Variants in ADPRM observed in about 807,000 individuals in gnomAD.
ADPRM encodes manganese-dependent ADP-ribose/CDP-alcohol diphosphatase.
ADPRM carries 17 observed loss-of-function variants against 27.2 expected under a neutral mutation model. The observed-to-expected ratio is 0.63, with a 90% CI of 0.43 to 0.94. The LOEUF (loss-of-function observed/expected upper bound fraction) is 0.94. Among genes scored for constraint, ADPRM ranks in the 40% least tolerant of loss-of-function variants. The probability of loss-of-function intolerance (pLI) is 0.00; values close to 1 mark genes in which losing one functional copy is unlikely to be tolerated. For synonymous variants in ADPRM, 135 were observed against 145.3 expected, an observed-to-expected ratio of 0.93 and a Z score of 0.51; for missense variants, 337 against 412.8, an observed-to-expected ratio of 0.82 and a Z score of 1.59.
At position 10,710,919 on chromosome 17, in the gene ADPRM, T is replaced by C; in HGVS notation, c.804T>C (p.His268=). The C allele has an allele frequency of 6.2e-7, 1 of 1,614,204 alleles. No homozygotes were observed. The highest frequency in any genetic ancestry group is 8.5e-7 in the Non-Finnish European group (1 of 1,180,022). Reference sequence around the variant, plus strand: ...ATGCCCTGGCAGTCATTTGGTCTCATGAGTGTGTGGTGTGTTTCTTTGCTG... The same window carrying C: ...ATGCCCTGGCAGTCATTTGGTCTCACGAGTGTGTGGTGTGTTTCTTTGCTG... The part of the protein sequence containing the change: ...YRDALAVIWS[H]ECVVCFFAGH... Residue 268 remains histidine, a synonymous_variant, in exon 4 of 4, where the codon CAT becomes CAC. Coordinates refer to ENST00000379774, the MANE Select transcript of ADPRM (RefSeq NM_020233.5).
rs1399672824 is a variant in ADPRM at position 10,702,264 on chromosome 17, G to A, written c.-17-2646G>A. Among the ~76,000 whole-genome samples, 1 of 152,190 alleles carries A rather than the reference G, an allele frequency of 6.6e-6. No homozygotes were observed. Among genetic ancestry groups the A allele is most frequent in the Non-Finnish European group, 1.5e-5 (1 of 68,036 alleles). ...CCAGAACACATCGCTGTTTTGAAGT[G>A]TGTGCCCCTTGGTGCTTCTCTCCAC... On this transcript the variant is annotated intron_variant, in intron 1 of 3. Transcript: ENST00000379774. This position sits in a 1 kb window ranked among gnomAD's most constrained non-coding sequence, Gnocchi z 4.2.
At chr17:10,706,682 T>G (rs986254985) in intron 3 of ADPRM, 128 bp downstream of exon 3, 5 of 571,630 alleles carry the variant, frequency 8.7e-6, no homozygotes, top group African/African-American at 8.0e-5. Context: ...GTTTAAAAAT[T>G]TCTATTGAGA....
chr17:10,699,454 A>G (rs1015638634), intron 1 of ADPRM, among the ~76,000 whole-genome samples: 1 of 151,162 alleles, frequency 6.6e-6, no homozygotes, highest in South Asian at 2.1e-4. Flanking sequence ...CTGCTGTGAA[A>G]CCACCAAAGT....
At position 10,706,526 on chromosome 17, in the gene ADPRM, C is replaced by T; in HGVS notation, c.690C>T (p.Asp230=). Residue 230 remains aspartate (D), a synonymous_variant, in exon 3 of 4, where the codon GAC becomes GAT. Coordinates refer to ENST00000379774, the MANE Select transcript of ADPRM (RefSeq NM_020233.5). ...TGAATGAAGTGCTAACATTCTCTGA[C>T]ACAAACCAAGAAAAGGTGGTGATTG... ...NWLNEVLTFS[D]TNQEKVVIVS... is the part of the protein sequence containing the mutation. 6.3e-7 allele frequency: 1 copy of T among 1,584,900 alleles called. No homozygotes were observed. Among genetic ancestry groups the T allele is most frequent in the Non-Finnish European group, 8.6e-7 (1 of 1,169,170 alleles).
chr17:10,710,258 C>T (rs940028257), intron 3 of ADPRM, among the ~76,000 whole-genome samples: 2 of 152,274 alleles, frequency 1.3e-5, no homozygotes, highest in Admixed American at 6.5e-5. Flanking sequence ...CATACCACCA[C>T]GCCTGGCTAA....
chr17:10,704,092 C>T (rs2074796791), intron 1 of ADPRM, among the ~76,000 whole-genome samples: 2 of 151,916 alleles, frequency 1.3e-5, no homozygotes, highest in Non-Finnish European at 2.9e-5. Context: ...ACCTGTAATC[C>T]CAGCTACTTG....
intron 1 of ADPRM, among the ~76,000 whole-genome samples, chr17:10,703,105 G>A (rs758840073): frequency 1.3e-5 from 2 of 152,078 alleles, no homozygotes; most frequent in Admixed American, 1.3e-4. Flanking sequence ...TACAACCTTG[G>A]TGATAATATT....
At chr17:10,706,204 C>T (rs1321504824) in intron 2 of ADPRM, among the ~76,000 whole-genome samples, 1 of 152,062 alleles carries the variant, frequency 6.6e-6, no homozygotes, top group African/African-American at 2.4e-5. Context: ...AAGAAGTTTG[C>T]ATTTTTAATA....
At chr17:10,707,870 C>G (rs1032463424) in intron 3 of ADPRM, among the ~76,000 whole-genome samples, 2 of 152,136 alleles carry the variant, frequency 1.3e-5, no homozygotes, top group African/African-American at 2.4e-5. Context: ...AACATACAAG[C>G]GTGTATGTGC....
At chr17:10,709,442 AG>A (rs1437337648) in intron 3 of ADPRM, among the ~76,000 whole-genome samples, 2 of 152,232 alleles carry the variant, frequency 1.3e-5, no homozygotes, top group Non-Finnish European at 2.9e-5. Flanking sequence ...CCGAGGACCA[AG>A]CATTCAGGCA....
At chr17:10,710,187 C>T (rs1401158920) in intron 3 of ADPRM, among the ~76,000 whole-genome samples, 2 of 152,312 alleles carry the variant, frequency 1.3e-5, no homozygotes, top group East Asian at 3.9e-4. Flanking sequence ...CTGCAACCTC[C>T]ACCTCCCGGG....
chr17:10,709,764 C>T (rs981357987), intron 3 of ADPRM, among the ~76,000 whole-genome samples: 3 of 151,102 alleles, frequency 2.0e-5, no homozygotes, highest in Admixed American at 2.0e-4. Flanking sequence ...TAAATAGAAG[C>T]ATGTTTAAAT....
At chr17:10,708,987 A>G (rs1342249144) in intron 3 of ADPRM, among the ~76,000 whole-genome samples, 1 of 152,232 alleles carries the variant, frequency 6.6e-6, no homozygotes, top group Non-Finnish European at 1.5e-5. Flanking sequence ...CTACCATTTG[A>G]TGTAAGCCTA....
rs775028365 is a variant in ADPRM at position 10,702,136 on chromosome 17, C to T, written c.-17-2774C>T. Among the ~76,000 whole-genome samples, 17 of 152,144 alleles carry T rather than the reference C, an allele frequency of 1.1e-4. No homozygotes were observed. The highest frequency in any genetic ancestry group is 3.3e-4 in the Admixed American group (5 of 15,272). On this transcript the variant is annotated intron_variant, in intron 1 of 3. Transcript: ENST00000379774. The surrounding 1 kb of genome is among the most constrained non-coding windows in gnomAD (Gnocchi z 4.2). Reference sequence around the variant, plus strand: ...GTATATTCCAAAATCTGAAAAAGTCCGAAATCTAAAACACTTCTGGTCCCA... The same window carrying T: ...GTATATTCCAAAATCTGAAAAAGTCTGAAATCTAAAACACTTCTGGTCCCA...
Position 10,705,545 on chromosome 17 carries a change from G to T in ADPRM, c.601+18G>T. 9 of 1,606,164 alleles carry T rather than the reference G, an allele frequency of 5.6e-6. No homozygotes were observed. The highest frequency in any genetic ancestry group is 7.7e-6 in the Non-Finnish European group (9 of 1,175,962). On this transcript the variant is annotated intron_variant, in intron 2 of 3. Transcript: ENST00000379774. This position sits in a 1 kb window ranked among gnomAD's most constrained non-coding sequence, Gnocchi z 5.4. ...TCCTCAAGGTGAATTATTCCTTTGA[G>T]CTGAGAATCTAATAGATTGTCTTTA...
Position 10,705,525 on chromosome 17 carries a change from A to C in ADPRM, c.599A>C (p.Gln200Pro), listed in dbSNP as rs753800331. The C allele has an allele frequency of 6.2e-7, 1 of 1,611,194 alleles. No homozygotes were observed. The highest frequency in any genetic ancestry group is 8.5e-7 in the Non-Finnish European group (1 of 1,178,330). Residue 200 changes from glutamine to proline, a missense_variant and splice_region_variant, in exon 2 of 4, where the codon CAA (glutamine) becomes CCA (proline). Coordinates refer to ENST00000379774, the MANE Select transcript of ADPRM (RefSeq NM_020233.5). The surrounding 1 kb of genome is among the most constrained non-coding windows in gnomAD (Gnocchi z 5.4). ...CCAAATACGGAACTGAATAGTCCTC[A>C]AGGTGAATTATTCCTTTGAGCTGAG... ...HNPNTELNSP[Q>P]GLSEPQFVQF...
Position 10,705,657 on chromosome 17 carries a change from C to A in ADPRM, c.601+130C>A. ...ACTTGTTCAGGGTCAGGATTTCTCA[C>A]AAGCCTTCTCACATGGATTGGTTAC... On this transcript the variant is annotated intron_variant, in intron 2 of 3. Coordinates refer to ENST00000379774, the MANE Select transcript of ADPRM (RefSeq NM_020233.5). This position sits in a 1 kb window ranked among gnomAD's most constrained non-coding sequence, Gnocchi z 5.4. 2 of 1,349,562 alleles carry A rather than the reference C, an allele frequency of 1.5e-6. No individual in the cohort carries two copies. The highest frequency in any genetic ancestry group is 3.0e-5 in the South Asian group (2 of 66,754). The allele number at this position is 1,349,562 out of a possible 1,614,324, so 83.6% of individuals were successfully genotyped here. A position where few individuals can be genotyped will look rare whatever the true frequency, so the allele number is the denominator to read the frequency against.
chr17:10,705,662 C>T lies in ADPRM; in HGVS notation c.601+135C>T. On this transcript the variant is annotated intron_variant, in intron 2 of 3. Coordinates refer to ENST00000379774, the MANE Select transcript of ADPRM (RefSeq NM_020233.5). This position sits in a 1 kb window ranked among gnomAD's most constrained non-coding sequence, Gnocchi z 5.4. ...TTCAGGGTCAGGATTTCTCACAAGCCTTCTCACATGGATTGGTTACAGTTG... is the reference window on the plus strand; with the variant it reads ...TTCAGGGTCAGGATTTCTCACAAGCTTTCTCACATGGATTGGTTACAGTTG... 7.5e-7 allele frequency: 1 copy of T among 1,331,234 alleles called. No homozygotes were observed. The highest frequency in any genetic ancestry group is 1.0e-6 in the Non-Finnish European group (1 of 999,450). 82.5% of individuals were successfully genotyped at this position (1,331,234 alleles called of 1,614,324 possible).
intron 3 of ADPRM, among the ~76,000 whole-genome samples, chr17:10,707,124 C>T (rs369855013): frequency 1.3e-5 from 2 of 152,180 alleles, no homozygotes; most frequent in East Asian, 3.9e-4. Flanking sequence ...ATAACTAAGA[C>T]ATAAAAATTA....
Sources: allele counts gnomAD v4.1 joint callset (sites outside exome capture counted in the v4.1 genomes callset), GRCh38; gene constraint gnomAD v4.1.1; non-coding constraint Gnocchi (gnomAD v3.1); transcripts MANE v1.5; gene names NCBI Gene and HGNC (gene_info 2026-07-23, HGNC 2026-07-21).